The following SEC31A variants were observed in gnomAD, a reference collection of about 807,000 sequenced individuals.
The protein encoded by SEC31A is SEC31 homolog A, COPII component, also known as protein transport protein Sec31A.
Under a neutral mutation model 151.0 loss-of-function variants are expected in SEC31A, and 70 were observed. That is an observed-to-expected ratio of 0.46 (90% CI 0.38 to 0.57). SEC31A has a LOEUF of 0.57. Ranked by LOEUF, SEC31A falls within the 20% of genes least tolerant of loss-of-function variation. SEC31A has a pLI of 0.00. For synonymous variants in SEC31A, 475 were observed against 505.9 expected, an observed-to-expected ratio of 0.94 and a Z score of 0.82; for missense variants, 1,330 against 1,471.2, an observed-to-expected ratio of 0.90 and a Z score of 1.57.
intron 3 of SEC31A, 123 bp from the exon 4 acceptor site, chr4:82,879,051 C>T: frequency 1.4e-6 from 1 of 699,480 alleles, no homozygotes; most frequent in Non-Finnish European, 2.4e-6. Context: ...ACTTTCCCAC[C>T]ACTCCTGGTA....
chr4:82,870,517 T>C (rs1055654486), intron 7 of SEC31A, 93 bp from the exon 8 acceptor site: 1 of 985,834 alleles, frequency 1.0e-6, no homozygotes, highest in Admixed American at 2.0e-5. Context: ...TCACACATTG[T>C]TAACAGAAAT....
intron 5 of SEC31A, 68 bp downstream of exon 5, chr4:82,875,659 A>G (rs1247482108): frequency 2.4e-6 from 2 of 822,862 alleles, no homozygotes; most frequent in Non-Finnish European, 4.0e-6. Flanking sequence ...TAAAAGTGAA[A>G]TAAGTAGGTT....
chr4:82,822,921 C>A (rs776182579), intron 25 of SEC31A, among the ~76,000 whole-genome samples: 1 of 151,768 alleles, frequency 6.6e-6, no homozygotes, highest in Non-Finnish European at 1.5e-5. Context: ...TGCAGTGAGC[C>A]GAGATTGCAC....
intron 3 of SEC31A, among the ~76,000 whole-genome samples, chr4:82,880,415 C>A (rs1159675619): frequency 6.6e-6 from 1 of 151,440 alleles, no homozygotes; most frequent in East Asian, 2.0e-4. Context: ...CATGGCAAAA[C>A]CCTGTCGCTA....
intron 18 of SEC31A, among the ~76,000 whole-genome samples, chr4:82,852,034 T>G (rs570611765): frequency 6.6e-6 from 1 of 152,240 alleles, no homozygotes; most frequent in East Asian, 1.9e-4. Flanking sequence ...AATCCCCATG[T>G]GTCATGGGAG....
intron 1 of SEC31A, chr4:82,900,288 T>C (rs1428082018): frequency 6.4e-6 from 1 of 155,944 alleles, no homozygotes; most frequent in African/African-American, 2.4e-5. Context: ...GGCCCGACTC[T>C]GTCTTCAACA....
At chr4:82,881,713 G>A (rs1052226320) in intron 2 of SEC31A, 145 bp downstream of exon 2, 6 of 636,658 alleles carry the variant, frequency 9.4e-6, no homozygotes, top group Non-Finnish European at 1.4e-5. Context: ...CACAGAGGAA[G>A]AACACTAAAC....
Position 82,866,914 on chromosome 4 carries a change from G to A in SEC31A, c.1091C>T (p.Pro364Leu), listed in dbSNP as rs1735527246. The A allele has an allele frequency of 6.2e-7, 1 of 1,614,040 alleles. No homozygotes were observed. Among genetic ancestry groups the A allele is most frequent in the Middle Eastern group, 1.6e-4 (1 of 6,062 alleles). ...CTGTGGAATTTGTAACGGAGGAAGG[G>A]GCTGTCCTGTGCCAAAGGGATCAAG... is the stretch of plus-strand genomic sequence containing the variant. ...GNLDPFGTGQ[P>L]LPPLQIPQQT... The change falls in exon 10 of 27, where the codon CCC (proline) becomes CTC (leucine). Residue 364 changes from proline (P) to leucine (L), a missense_variant. Coordinates refer to ENST00000395310, the MANE Select transcript of SEC31A (RefSeq NM_001077207.4).
intron 20 of SEC31A, among the ~76,000 whole-genome samples, chr4:82,846,249 C>T (rs896979008): frequency 2.4e-4 from 36 of 151,746 alleles, no homozygotes; most frequent in Admixed American, 1.7e-3. Flanking sequence ...GTGATCCGCC[C>T]GCCTCAGCCT....
At chr4:82,893,356 T>C (rs1719928375), upstream of SEC31A, 1 of 152,248 alleles carries the variant, frequency 6.6e-6, no homozygotes, top group African/African-American at 2.4e-5. Flanking sequence ...GGCATGAGCC[T>C]CCATGCCCAT....
At chr4:82,860,211 G>A (rs1375439461) in intron 14 of SEC31A, among the ~76,000 whole-genome samples, 1 of 152,078 alleles carries the variant, frequency 6.6e-6, no homozygotes, top group African/African-American at 2.4e-5. Context: ...TAGGTATTGA[G>A]TGCCTTCAAT....
chr4:82,869,254 G>T (rs1326141919), intron 8 of SEC31A, among the ~76,000 whole-genome samples: 1 of 151,310 alleles, frequency 6.6e-6, no homozygotes, highest in African/African-American at 2.4e-5. Context: ...CTAGTAGCTG[G>T]GACTACAGGC....
chr4:82,857,489 T>G (rs1732928171), intron 15 of SEC31A, among the ~76,000 whole-genome samples, 200 bp downstream of exon 15: 1 of 152,152 alleles, frequency 6.6e-6, no homozygotes, highest in Admixed American at 6.5e-5. Flanking sequence ...CTTTTTTTTT[T>G]GAGACAGCGT....
At chr4:82,839,693 C>CA (rs1728297146) in intron 22 of SEC31A, among the ~76,000 whole-genome samples, 1 of 152,170 alleles carries the variant, frequency 6.6e-6, no homozygotes, top group African/African-American at 2.4e-5. Flanking sequence ...CTATAAGATA[C>CA]AGTTGTCAGT....
intron 6 of SEC31A, among the ~76,000 whole-genome samples, chr4:82,872,526 A>C (rs1274450526): frequency 6.6e-6 from 1 of 152,144 alleles, no homozygotes; most frequent in Non-Finnish European, 1.5e-5. Context: ...AACAAATGTA[A>C]AACTACTAAA....
chr4:82,890,750 C>T (rs929427963), intron 1 of SEC31A: 27 of 1,162,310 alleles, frequency 2.3e-5, no homozygotes, highest in Middle Eastern at 7.0e-4. Flanking sequence ...GGGGACCGCA[C>T]CTCTTTGTGC....
intron 22 of SEC31A, among the ~76,000 whole-genome samples, chr4:82,837,730 G>C (rs1432795545): frequency 6.6e-6 from 1 of 152,194 alleles, no homozygotes; most frequent in African/African-American, 2.4e-5. Context: ...ATCTTCCAGA[G>C]AATCACTGGG....
At chr4:82,883,985 A>ATT (rs1740010315) in intron 1 of SEC31A, among the ~76,000 whole-genome samples, 1 of 92,734 alleles carries the variant, frequency 1.1e-5, no homozygotes, top group Non-Finnish European at 2.0e-5. Flanking sequence ...TTTCTTTTCT[A>ATT]TTCTTTTTTT....
rs756724735 is a variant in SEC31A at position 82,842,272 on chromosome 4, G to A, written c.2836C>T (p.Pro946Ser). ...TSSPATSFPP[P>S]PSSGASFQHG... ...TGGAAGGATGCTCCAGAGGAAGGGG[G>A]AGGAGGGAAAGAAGTAGCAGGGCTG... is the stretch of plus-strand genomic sequence containing the variant. The change falls in exon 22 of 27, where the codon CCC (proline) becomes TCC (serine). Residue 946 changes from proline (P) to serine (S), a missense_variant. By Grantham distance (74) the Pro-to-Ser change is moderately conservative (BLOSUM62 -1). Coordinates refer to ENST00000395310, the MANE Select transcript of SEC31A (RefSeq NM_001077207.4). 3 of 1,614,050 alleles carry A rather than the reference G, an allele frequency of 1.9e-6. No homozygotes were observed. Among genetic ancestry groups the A allele is most frequent in the Non-Finnish European group, 2.5e-6 (3 of 1,179,990 alleles).
Sources: gnomAD v4.1 joint callset for allele counts (sites outside exome capture counted in the v4.1 genomes callset) on GRCh38, gnomAD v4.1.1 for gene constraint, MANE v1.5 for transcripts, NCBI Gene and HGNC (gene_info 2026-07-23, HGNC 2026-07-21) for gene names.